The following ACOXL variants were observed in gnomAD, a reference collection of about 807,000 sequenced individuals.
ACOXL encodes acyl-CoA oxidase like, also known as acyl-coenzyme A oxidase-like protein.
Under a neutral mutation model 71.9 loss-of-function variants are expected in ACOXL, and 70 were observed. The ratio of observed to expected loss-of-function variants is 0.97; its 90% CI spans 0.80 to 1.19. ACOXL has a LOEUF of 1.19. ACOXL is among the 50% of genes most tolerant of loss of function. ACOXL has a pLI of 0.00. For missense variants in ACOXL, 703 were observed against 736.3 expected (o/e 0.95, Z 0.52); for synonymous variants, 253 against 281.6 (o/e 0.90, Z 1.02).
At chr2:110,975,600 TAAAG>T (rs2149502520) in intron 12 of ACOXL, among the ~76,000 whole-genome samples, 1 of 151,732 alleles carries the variant, frequency 6.6e-6, no homozygotes, top group Non-Finnish European at 1.5e-5. Flanking sequence ...TAAAAAAAAT[TAAAG>T]AAAAATCAAC....
At chr2:111,067,422 A>G (rs1158784521) in intron 16 of ACOXL, among the ~76,000 whole-genome samples, 1 of 152,212 alleles carries the variant, frequency 6.6e-6, no homozygotes, top group Non-Finnish European at 1.5e-5. Flanking sequence ...TAAATATGAA[A>G]AACACAAATA....
intron 2 of ACOXL, among the ~76,000 whole-genome samples, chr2:110,769,122 G>A (rs1315075882): frequency 6.6e-6 from 1 of 151,314 alleles, no homozygotes; most frequent in East Asian, 1.9e-4. Flanking sequence ...TCATTTTAAG[G>A]GCTTTTAAAG....
At chr2:110,981,246 T>C (rs563556933) in intron 12 of ACOXL, among the ~76,000 whole-genome samples, 355 of 152,294 alleles carry the variant, frequency 2.3e-3, no homozygotes, top group Non-Finnish European at 4.1e-3. Context: ...TAATCCCAGC[T>C]ACTCAGGAAG....
chr2:111,118,239 A>C lies in ACOXL; in HGVS notation c.*423A>C. 3 of 196,520 alleles carry C rather than the reference A, an allele frequency of 1.5e-5. No individual in the cohort carries two copies. The highest frequency in any genetic ancestry group is 1.4e-4 in the East Asian group (1 of 7,100). 12.2% of individuals were successfully genotyped at this position (196,520 alleles called of 1,614,324 possible). On this transcript the variant is annotated 3_prime_UTR_variant, in exon 18 of 18. Coordinates refer to ENST00000439055, the MANE Select transcript of ACOXL (RefSeq NM_001142807.4). ...GAGTGAAAGAAAAAAAAAAAAGCAA[A>C]CACCCTTAGACAAAAGAAAAAAGCT...
At position 110,992,512 on chromosome 2, in the gene ACOXL, T is replaced by G. The variant is rs535071312; in HGVS notation, c.1170-3381T>G. Among the ~76,000 whole-genome samples the G allele has an allele frequency of 7.9e-5, 12 of 152,270 alleles. No homozygotes were observed. The East Asian group carries it at 9.6e-4, about 12-fold the overall frequency. On this transcript the variant is annotated intron_variant, in intron 13 of 17. Transcript: ENST00000439055. Reference sequence around the variant, plus strand: ...GAGCAGGTGGGGACCTGAGGAAAGATGGGCTGAGAACTTCCTGGTACCCTT... The same window carrying G: ...GAGCAGGTGGGGACCTGAGGAAAGAGGGGCTGAGAACTTCCTGGTACCCTT...
chr2:110,806,738 G>A lies in ACOXL; in HGVS notation c.753+1343G>A, dbSNP rs1043408144. Among the ~76,000 whole-genome samples, 3 of 152,282 alleles carry A rather than the reference G, an allele frequency of 2.0e-5. No homozygotes were observed. In the East Asian group the frequency reaches 5.8e-4, roughly 29 times the overall value. On this transcript the variant is annotated intron_variant, in intron 9 of 17. Transcript: ENST00000439055. The stretch of plus-strand genomic sequence containing the variant: ...AGAGTGCTGGGCGCATATAAAAAAC[G>A]CAAGGTGGTCAGCGGCCAGGCAGGC...
At chr2:110,873,307 G>A (rs1695492875) in intron 10 of ACOXL, among the ~76,000 whole-genome samples, 1 of 152,076 alleles carries the variant, frequency 6.6e-6, no homozygotes. Context: ...TCCAGTGGGA[G>A]ATCTGGGAGG....
At chr2:111,087,003 C>A (rs1216820022) in intron 16 of ACOXL, among the ~76,000 whole-genome samples, 1 of 152,106 alleles carries the variant, frequency 6.6e-6, no homozygotes. Flanking sequence ...TTCCGATACA[C>A]CAACAAAATC....
At chr2:110,804,184 G>T (rs1233942511) in intron 8 of ACOXL, among the ~76,000 whole-genome samples, 1 of 151,866 alleles carries the variant, frequency 6.6e-6, no homozygotes, top group South Asian at 2.1e-4. Flanking sequence ...ATGGGGTTTT[G>T]CCATGTTGAC....
intron 9 of ACOXL, among the ~76,000 whole-genome samples, chr2:110,837,785 G>A (rs1402462199): frequency 1.3e-5 from 2 of 152,168 alleles, no homozygotes; most frequent in East Asian, 1.9e-4. Flanking sequence ...AACAAATTGT[G>A]TAAATCTAAA....
chr2:110,752,464 A>C (rs1679117650), intron 1 of ACOXL, among the ~76,000 whole-genome samples: 2 of 151,964 alleles, frequency 1.3e-5, no homozygotes, highest in Non-Finnish European at 1.5e-5. Flanking sequence ...AAATAAATAA[A>C]TAAAAGAAGT....
At chr2:110,870,158 C>T (rs1033413687) in intron 10 of ACOXL, among the ~76,000 whole-genome samples, 1 of 152,176 alleles carries the variant, frequency 6.6e-6, no homozygotes, top group Non-Finnish European at 1.5e-5. Flanking sequence ...CAGGGTGTTT[C>T]CCAGAGTCCC....
chr2:110,740,259 T>A (rs1286761282), intron 1 of ACOXL, among the ~76,000 whole-genome samples: 1 of 152,204 alleles, frequency 6.6e-6, no homozygotes, highest in Non-Finnish European at 1.5e-5. Flanking sequence ...AAGGCTCCAG[T>A]TTTATTGCTC....
chr2:110,840,973 G>A (rs573943248), intron 9 of ACOXL, among the ~76,000 whole-genome samples: 9 of 152,238 alleles, frequency 5.9e-5, no homozygotes, highest in Admixed American at 1.3e-4. Flanking sequence ...ATGTGTGGGC[G>A]TGTTCTCCTA....
intron 16 of ACOXL, among the ~76,000 whole-genome samples, chr2:111,079,837 A>G (rs2067805433): frequency 2.8e-5 from 4 of 142,316 alleles, no homozygotes. Context: ...TTTTTTTTTA[A>G]TTCTGAAAAG....
intron 1 of ACOXL, among the ~76,000 whole-genome samples, chr2:110,757,095 A>G (rs906357669): frequency 7.9e-5 from 12 of 151,936 alleles, no homozygotes; most frequent in Admixed American, 7.2e-4. Context: ...TGTTCTCACC[A>G]TGTATCCATA....
At chr2:110,987,013 G>A in intron 12 of ACOXL, 95 bp from the exon 13 acceptor site, 5 of 1,010,336 alleles carry the variant, frequency 4.9e-6, no homozygotes, top group Middle Eastern at 2.1e-4. Context: ...CAAGGAGTTT[G>A]CTAAGTGACA....
intron 2 of ACOXL, among the ~76,000 whole-genome samples, chr2:110,776,560 G>A (rs371696157): frequency 1.3e-5 from 2 of 151,792 alleles, no homozygotes; most frequent in African/African-American, 2.4e-5. Context: ...GCTGGAGGTC[G>A]GTGAACAGCA....
rs145583282 is a variant in ACOXL at position 111,067,897 on chromosome 2, C to T, written c.1440+18609C>T. On this transcript the variant is annotated intron_variant, in intron 16 of 17. Transcript: ENST00000439055. The stretch of plus-strand genomic sequence containing the variant: ...AATTGGGAGTGCGGGGAAGATAAGC[C>T]CTCAGTGTCATAAGAGGTCAGTGGC... Among the ~76,000 whole-genome samples the T allele has an allele frequency of 2.4e-3, 368 of 152,256 alleles. 2 individuals are homozygous for T. The highest frequency in any genetic ancestry group is 8.5e-3 in the African/African-American group (352 of 41,540).
Sources: gnomAD v4.1 joint callset for allele counts (sites outside exome capture counted in the v4.1 genomes callset) on GRCh38, gnomAD v4.1.1 for gene constraint, MANE v1.5 for transcripts, NCBI Gene and HGNC (gene_info 2026-07-23, HGNC 2026-07-21) for gene names.